CUL2: variants seen among roughly 807,000 people sequenced by gnomAD.
CUL2 encodes the protein cullin 2.
CUL2 carries 22 observed loss-of-function variants against 110.2 expected under a neutral mutation model. The observed-to-expected ratio is 0.20, with a 90% CI of 0.14 to 0.28. CUL2 has a LOEUF of 0.28. Ranked by LOEUF, CUL2 falls within the 10% of genes least tolerant of loss-of-function variation. The pLI is 1.00. For missense variants in CUL2, 631 were observed against 905.5 expected (o/e 0.70, Z 3.89); for synonymous variants, 279 against 293.2 (o/e 0.95, Z 0.49).
chr10:35,126,129 TA>T (rs79523600), intron 1 of CUL2, among the ~76,000 whole-genome samples: 4,267 of 141,904 alleles, frequency 0.03, 166 homozygotes, highest in African/African-American at 0.096. Context: ...CTTTCTAATC[TA>T]AAAAAAAAAA....
chr10:35,033,145 A>G, intron 11 of CUL2, 21 bp downstream of exon 11: 5 of 1,450,174 alleles, frequency 3.4e-6, no homozygotes, highest in Non-Finnish European at 4.8e-6. Context: ...CATATATAGT[A>G]TATATGTATT....
chr10:35,054,728 C>A (rs16935872), intron 4 of CUL2, among the ~76,000 whole-genome samples, 189 bp from the exon 5 acceptor site: 1 of 152,044 alleles, frequency 6.6e-6, no homozygotes, highest in African/African-American at 2.4e-5. Context: ...GCCCACCTTT[C>A]TCTGCAAGCC....
At chr10:35,114,031 C>T (rs1367862676) in intron 1 of CUL2, among the ~76,000 whole-genome samples, 1 of 151,676 alleles carries the variant, frequency 6.6e-6, no homozygotes, top group Non-Finnish European at 1.5e-5. Flanking sequence ...CCTCAGCCTC[C>T]CGAGTAGCTG....
At chr10:35,013,849 A>T in intron 18 of CUL2, 49 bp from the exon 19 acceptor site, 1 of 1,238,354 alleles carries the variant, frequency 8.1e-7, no homozygotes, top group Non-Finnish European at 1.1e-6. Flanking sequence ...AAAATCTTTA[A>T]ATAAGAGTTT....
intron 9 of CUL2, among the ~76,000 whole-genome samples, chr10:35,037,544 T>G (rs1208999113): frequency 6.6e-6 from 1 of 152,216 alleles, no homozygotes; most frequent in Non-Finnish European, 1.5e-5. Flanking sequence ...ATGAAATTAA[T>G]GTTGCTGTAA....
At position 35,054,517 on chromosome 10, in the gene CUL2, T is replaced by C. The variant is rs1232725202; in HGVS notation, c.340A>G (p.Lys114Glu). The C allele has an allele frequency of 6.3e-7, 1 of 1,591,808 alleles. No individual in the cohort carries two copies. ...TCCGCTTCTGTTAATTTATTCTTTT[T>C]AATAAACTGGGTGTTGAGATACCTG... ...LYRYLNTQFI[K>E]KNKLTEADLQ... The change falls in exon 5 of 21, where the codon AAA becomes GAA. Residue 114 changes from lysine to glutamate, a missense_variant. Around this residue, in one of 3 missense-constraint regions of CUL2, gnomAD observed 338 missense variants for 442.5 expected, o/e 0.76. Transcript: ENST00000374749.
At chr10:35,098,486 C>A (rs2135101929) in intron 2 of CUL2, among the ~76,000 whole-genome samples, 1 of 151,254 alleles carries the variant, frequency 6.6e-6, no homozygotes, top group African/African-American at 2.4e-5. Flanking sequence ...TTTAGGAAGC[C>A]AAGGCAAGAG....
intron 5 of CUL2, among the ~76,000 whole-genome samples, chr10:35,050,649 C>CAGCCA (rs1156762295): frequency 6.6e-6 from 1 of 152,212 alleles, no homozygotes; most frequent in African/African-American, 2.4e-5. Context: ...TGGAAACATA[C>CAGCCA]AGCCATAGCT....
chr10:35,040,235 T>A (rs1313450968), intron 8 of CUL2, among the ~76,000 whole-genome samples: 1 of 152,216 alleles, frequency 6.6e-6, no homozygotes, highest in Non-Finnish European at 1.5e-5. Flanking sequence ...TCAAGACTTT[T>A]ATTAAAGTTT....
intron 1 of CUL2, among the ~76,000 whole-genome samples, chr10:35,114,921 G>GTTTAGATATAGAAA: frequency 6.6e-6 from 1 of 152,044 alleles, no homozygotes; most frequent in Non-Finnish European, 1.5e-5. Context: ...CTAAAATGGA[G>GTTTAGATATAGAAA]CACAAAGAAG....
At chr10:35,076,409 G>A (rs548792802) in intron 1 of CUL2, among the ~76,000 whole-genome samples, 16 of 152,168 alleles carry the variant, frequency 1.1e-4, no homozygotes, top group African/African-American at 3.4e-4. Flanking sequence ...GGTATGTGAC[G>A]TATATCTCAA....
At chr10:35,028,209 C>G (rs572181029) in intron 16 of CUL2, among the ~76,000 whole-genome samples, 2 of 152,278 alleles carry the variant, frequency 1.3e-5, no homozygotes, top group East Asian at 3.9e-4. Context: ...ATAGTCTGTG[C>G]TACAATCTCT....
Position 35,009,201 on chromosome 10 carries a change from T to TATATTA in CUL2, c.*1109_*1110insTAATAT, listed in dbSNP as rs1554851929. 5.1e-3 allele frequency: 700 copies of TATATTA among 137,868 alleles called. 9 individuals are homozygous for TATATTA. Among genetic ancestry groups the TATATTA allele is most frequent in the African/African-American group, 0.018 (658 of 37,394 alleles). 8.5% of individuals were successfully genotyped at this position (137,868 alleles called of 1,614,324 possible). A position where few individuals can be genotyped will look rare whatever the true frequency, so the allele number is the denominator to read the frequency against. ...CTGTTGAGATATATATATATATATA[T>TATATTA]TATATATATATATATATATAAAATA... On this transcript the variant is annotated 3_prime_UTR_variant, in exon 21 of 21. Transcript: ENST00000374749.
At chr10:35,041,813 A>G (rs2085797463) in intron 8 of CUL2, among the ~76,000 whole-genome samples, 1 of 152,200 alleles carries the variant, frequency 6.6e-6, no homozygotes, top group Non-Finnish European at 1.5e-5. Context: ...CTGCAATTAC[A>G]GGTCTGAGCC....
chr10:35,125,854 GA>G (rs2087774614), intron 1 of CUL2, among the ~76,000 whole-genome samples: 1 of 152,026 alleles, frequency 6.6e-6, no homozygotes, highest in Non-Finnish European at 1.5e-5. Flanking sequence ...TTTTGAGATG[GA>G]GCCTCGCTCT....
At position 35,029,611 on chromosome 10, in the gene CUL2, C is replaced by T; in HGVS notation, c.1416G>A (p.Lys472=). The T allele has an allele frequency of 6.3e-7, 1 of 1,590,714 alleles. No individual in the cohort carries two copies. The highest frequency in any genetic ancestry group is 1.4e-5 in the African/African-American group (1 of 73,414). The change falls in exon 15 of 21, where the codon AAG becomes AAA. Residue 472 remains lysine, a synonymous_variant. Coordinates refer to ENST00000374749, the MANE Select transcript of CUL2 (RefSeq NM_003591.4). ...TCATATCTGTATACATCCGATGTAGCTTGCTGGTAAACTCATAACCACAGG... is the reference window on the plus strand; with the variant it reads ...TCATATCTGTATACATCCGATGTAGTTTGCTGGTAAACTCATAACCACAGG... The part of the protein sequence containing the change: ...KQACGYEFTS[K]LHRMYTDMSV...
chr10:35,042,803 T>C (rs1415163696), intron 8 of CUL2, among the ~76,000 whole-genome samples: 1 of 152,120 alleles, frequency 6.6e-6, no homozygotes, highest in Non-Finnish European at 1.5e-5. Flanking sequence ...TCTAGCAAAT[T>C]AATGGAACCC....
At chr10:35,067,890 G>A (rs1373729499) in intron 2 of CUL2, among the ~76,000 whole-genome samples, 7 of 151,718 alleles carry the variant, frequency 4.6e-5, no homozygotes, top group African/African-American at 9.7e-5. Flanking sequence ...GGCGGATCAC[G>A]AGGTCAGGAG....
chr10:35,098,984 G>A (rs995750950), intron 2 of CUL2, among the ~76,000 whole-genome samples: 7 of 152,068 alleles, frequency 4.6e-5, no homozygotes, highest in Non-Finnish European at 1.0e-4. Flanking sequence ...TGAGAAGATA[G>A]GAACAAAGAA....
Sources: gnomAD v4.1 joint callset for allele counts (sites outside exome capture counted in the v4.1 genomes callset) on GRCh38, gnomAD v4.1.1 for gene constraint, gnomAD v4.1.1 regional missense constraint, MANE v1.5 for transcripts, NCBI Gene and HGNC (gene_info 2026-07-23, HGNC 2026-07-21) for gene names.